The following ZNF721 variants were observed in gnomAD, a reference collection of about 807,000 sequenced individuals.
ZNF721 encodes zinc finger protein 721.
ZNF721 carries 2 observed loss-of-function variants against 2.4 expected under a neutral mutation model. The ratio of observed to expected loss-of-function variants is 0.82; its 90% CI spans 0.34 to 2.58. The LOEUF (loss-of-function observed/expected upper bound fraction) is 2.58, where lower values mean the gene tolerates loss of function less well. Among genes scored for constraint, ZNF721 ranks in the 30% most tolerant of loss-of-function variants. The pLI is 0.11. For synonymous variants in ZNF721, 398 were observed against 381.8 expected (o/e 1.04, Z -0.50); for missense variants, 1,187 against 1,085.5 (o/e 1.09, Z -1.31).
chr4:486,862 G>C (rs1371063286), intron 1 of ZNF721, among the ~76,000 whole-genome samples: 1 of 152,136 alleles, frequency 6.6e-6, no homozygotes, highest in Non-Finnish European at 1.5e-5. Context: ...CCATTCCCTG[G>C]AGTGAATTAT....
intron 2 of ZNF721, among the ~76,000 whole-genome samples, chr4:470,611 G>C (rs1242545208): frequency 1.3e-5 from 2 of 152,170 alleles, no homozygotes; most frequent in Non-Finnish European, 2.9e-5. Context: ...CTACTTGGGA[G>C]GCTGAGGCAG....
At chr4:492,436 G>A (rs564613833) in intron 1 of ZNF721, among the ~76,000 whole-genome samples, 17 of 151,924 alleles carry the variant, frequency 1.1e-4, no homozygotes, top group Non-Finnish European at 2.2e-4. Context: ...CTGAACTTCA[G>A]GTTAAAAAAA....
chr4:456,731 T>C (rs180868073), intron 2 of ZNF721, among the ~76,000 whole-genome samples: 1,732 of 152,196 alleles, frequency 0.011, 17 homozygotes, highest in Middle Eastern at 0.071. Context: ...ATACAAAAAT[T>C]AGCTGGGCGT....
intron 1 of ZNF721, among the ~76,000 whole-genome samples, chr4:485,171 C>T (rs782579574): frequency 6.6e-6 from 1 of 152,056 alleles, no homozygotes; most frequent in Non-Finnish European, 1.5e-5. Flanking sequence ...CCACGCCCAG[C>T]GAGTATTGTT....
chr4:472,503 A>G, intron 2 of ZNF721, 72 bp downstream of exon 2: 2 of 1,519,426 alleles, frequency 1.3e-6, no homozygotes, highest in Non-Finnish European at 1.8e-6. Context: ...TATATCTCAA[A>G]AGACATTCTA....
At chr4:456,656 G>A (rs568061435) in intron 2 of ZNF721, among the ~76,000 whole-genome samples, 57 of 152,232 alleles carry the variant, frequency 3.7e-4, no homozygotes, top group Non-Finnish European at 5.3e-4. Context: ...CAATGTGGGC[G>A]GATCATGAGG....
Position 443,070 on chromosome 4 carries a change from A to G in ZNF721, c.1397T>C (p.Ile466Thr). 2 of 1,613,728 alleles carry G rather than the reference A, an allele frequency of 1.2e-6. No individual in the cohort carries two copies. The highest frequency in any genetic ancestry group is 1.7e-6 in the Non-Finnish European group (2 of 1,179,780). ...HSLHLNKHEK[I>T]HTGKKPYKCK... ...TTTGTAGGGTTTCTTTCCAGTATGA[A>G]TTTTCTCATGTTTATTCAGGTGCAA... Residue 466 changes from isoleucine to threonine, a missense_variant, in exon 3 of 3, where the codon ATT (isoleucine) becomes ACT (threonine). Coordinates refer to ENST00000511833, the MANE Select transcript of ZNF721 (RefSeq NM_133474.4).
At chr4:459,636 C>T (rs911169571) in intron 2 of ZNF721, among the ~76,000 whole-genome samples, 1 of 152,074 alleles carries the variant, frequency 6.6e-6, no homozygotes, top group African/African-American at 2.4e-5. Flanking sequence ...CAAGACCATC[C>T]GTGGTTAACA....
intron 1 of ZNF721, among the ~76,000 whole-genome samples, chr4:477,256 T>A (rs1211978911): frequency 1.1e-3 from 4 of 3,568 alleles, no homozygotes; most frequent in African/African-American, 1.9e-3. Flanking sequence ...GTGAGTTCCT[T>A]TTTTTTTTTT....
At chr4:493,350 T>G (rs75183640) in intron 1 of ZNF721, among the ~76,000 whole-genome samples, 378 of 152,306 alleles carry the variant, frequency 2.5e-3, no homozygotes, top group African/African-American at 8.1e-3. Flanking sequence ...CTACTCCCTG[T>G]GTACTACACT....
chr4:493,171 T>TAAA (rs79248295), intron 1 of ZNF721, among the ~76,000 whole-genome samples: 4 of 131,858 alleles, frequency 3.0e-5, no homozygotes, highest in African/African-American at 5.5e-5. Flanking sequence ...ACTGAGACAG[T>TAAA]AAAAAAAAAA....
At chr4:460,627 CAA>C (rs199519505) in intron 2 of ZNF721, among the ~76,000 whole-genome samples, 23,525 of 101,198 alleles carry the variant, frequency 0.23, 2,169 homozygotes, top group Non-Finnish European at 0.31. Flanking sequence ...AAGACCCTTT[CAA>C]AAAAAAAAAA....
chr4:479,892 G>T lies in ZNF721; in HGVS notation c.-93-7191C>A, dbSNP rs539309932. 8.5e-5 allele frequency among the ~76,000 whole-genome samples: 13 copies of T among 152,332 alleles called. No individual in the cohort carries two copies. The South Asian group carries it at 2.7e-3, about 32-fold the overall frequency. ...ACATATCCATTTGGAAATCTATGGG[G>T]ATTCTTTTTCAGTAGTAGGTCTAGG... On this transcript the variant is annotated intron_variant, in intron 1 of 2. Coordinates refer to ENST00000511833, the MANE Select transcript of ZNF721 (RefSeq NM_133474.4).
intron 2 of ZNF721, among the ~76,000 whole-genome samples, chr4:464,658 G>C (rs1437723838): frequency 6.6e-6 from 1 of 152,074 alleles, no homozygotes; most frequent in East Asian, 1.9e-4. Flanking sequence ...TATACATAGA[G>C]GTTAACTTTT....
chr4:451,982 G>A (rs570087944), intron 2 of ZNF721, among the ~76,000 whole-genome samples: 142 of 152,328 alleles, frequency 9.3e-4, no homozygotes, highest in Non-Finnish European at 5.3e-4. Flanking sequence ...TTGGTAAAGG[G>A]AATGCTGAGG....
intron 1 of ZNF721, among the ~76,000 whole-genome samples, chr4:488,779 G>C (rs1475880144): frequency 6.6e-6 from 1 of 151,968 alleles, no homozygotes; most frequent in African/African-American, 2.4e-5. Context: ...GCAGTGAGCC[G>C]AGATCACGCC....
At chr4:452,389 A>G (rs1428570943) in intron 2 of ZNF721, among the ~76,000 whole-genome samples, 2 of 152,184 alleles carry the variant, frequency 1.3e-5, no homozygotes, top group Admixed American at 6.5e-5. Flanking sequence ...AGAATTTGCA[A>G]CCCCTACCAC....
At chr4:469,689 A>G (rs1474514448) in intron 2 of ZNF721, among the ~76,000 whole-genome samples, 1 of 152,214 alleles carries the variant, frequency 6.6e-6, no homozygotes, top group Non-Finnish European at 1.5e-5. Flanking sequence ...TAAAGGTTGT[A>G]GTAAGCAAAA....
At position 442,290 on chromosome 4, in the gene ZNF721, T is replaced by G. The variant is rs1249387016; in HGVS notation, c.2177A>C (p.Lys726Thr). 1.9e-6 allele frequency: 3 copies of G among 1,612,938 alleles called. No homozygotes were observed. Among genetic ancestry groups the G allele is most frequent in the African/African-American group, 2.7e-5 (2 of 74,802 alleles). Residue 726 changes from lysine (K) to threonine (T), a missense_variant, in exon 3 of 3, where the codon AAA (lysine) becomes ACA (threonine). Coordinates refer to ENST00000511833, the MANE Select transcript of ZNF721 (RefSeq NM_133474.4). ...AAAGGATCTGCCACGATCTTCACAT[T>G]TGTAGGGTTTCTCCCTAGTGTGAAC... ...RRVHTREKPYKCEDRGRSFGW... is the reference protein window; with the variant it reads ...RRVHTREKPYTCEDRGRSFGW...
Sources: gnomAD v4.1 joint callset for allele counts (sites outside exome capture counted in the v4.1 genomes callset) on GRCh38, gnomAD v4.1.1 for gene constraint, MANE v1.5 for transcripts, NCBI Gene and HGNC (gene_info 2026-07-23, HGNC 2026-07-21) for gene names.